KIAA1549L: variants seen among roughly 807,000 people sequenced by gnomAD.
The protein encoded by KIAA1549L is UPF0606 protein KIAA1549L.
A neutral mutation model predicts 160.7 loss-of-function variants in KIAA1549L; 88 were observed. The ratio of observed to expected loss-of-function variants is 0.55; its 90% CI spans 0.46 to 0.65. KIAA1549L has a LOEUF of 0.65. Ranked by LOEUF, KIAA1549L falls within the 30% of genes least tolerant of loss-of-function variation. The pLI, the probability that KIAA1549L is intolerant of heterozygous loss-of-function variation, is 0.00. For missense variants in KIAA1549L, 2,258 were observed against 2,437.5 expected, an observed-to-expected ratio of 0.93 and a Z score of 1.55; for synonymous variants, 950 against 976.7, an observed-to-expected ratio of 0.97 and a Z score of 0.51.
At chr11:33,537,958 AG>A (rs1364850512) in intron 1 of KIAA1549L, among the ~76,000 whole-genome samples, 1 of 152,244 alleles carries the variant, frequency 6.6e-6, no homozygotes, top group Non-Finnish European at 1.5e-5. Flanking sequence ...TATGTGTATT[AG>A]TCCATTTTCA....
intron 1 of KIAA1549L, among the ~76,000 whole-genome samples, chr11:33,426,418 T>C (rs761431680): frequency 1.3e-5 from 2 of 151,948 alleles, no homozygotes; most frequent in Non-Finnish European, 2.9e-5. Context: ...GCTAAAGGAG[T>C]CAAACTGTAT....
At chr11:33,520,717 AC>A (rs1853467818) in intron 1 of KIAA1549L, among the ~76,000 whole-genome samples, 1 of 147,438 alleles carries the variant, frequency 6.8e-6, no homozygotes, top group South Asian at 2.2e-4. Context: ...ACACACACAC[AC>A]ACACACACAC....
chr11:33,464,318 G>A (rs1851999462), intron 1 of KIAA1549L, among the ~76,000 whole-genome samples: 1 of 152,102 alleles, frequency 6.6e-6, no homozygotes, highest in South Asian at 2.1e-4. Context: ...GCAAACCCTT[G>A]TCCCTTGGTT....
chr11:33,459,276 C>A lies in KIAA1549L; in HGVS notation c.238+82387C>A, dbSNP rs139840547. Among the ~76,000 whole-genome samples the A allele has an allele frequency of 5.9e-5, 9 of 152,306 alleles. 1 individual carries two copies. The highest frequency in any genetic ancestry group is 2.1e-4 in the South Asian group (1 of 4,822). Reference sequence around the variant, plus strand: ...TATTTTGATCTGTACTCTGAGATCACCCTTCAGAGGTCTGCTTCCTCCATC... The same window carrying A: ...TATTTTGATCTGTACTCTGAGATCAACCTTCAGAGGTCTGCTTCCTCCATC... On this transcript the variant is annotated intron_variant, in intron 1 of 20. Coordinates refer to ENST00000658780, the MANE Select transcript of KIAA1549L (RefSeq NM_012194.3).
At chr11:33,485,227 C>T (rs923218800) in intron 1 of KIAA1549L, among the ~76,000 whole-genome samples, 5 of 152,168 alleles carry the variant, frequency 3.3e-5, no homozygotes, top group African/African-American at 1.2e-4. Context: ...GTCAACTTGC[C>T]CCTTTCGAGT....
intron 16 of KIAA1549L, among the ~76,000 whole-genome samples, chr11:33,634,468 CT>C (rs1851386790): frequency 6.6e-6 from 1 of 152,180 alleles, no homozygotes; most frequent in South Asian, 2.1e-4. Flanking sequence ...CAGAGATGAC[CT>C]TTAAGGTAAT....
intron 1 of KIAA1549L, among the ~76,000 whole-genome samples, chr11:33,513,769 G>A (rs1012843110): frequency 1.4e-4 from 21 of 152,196 alleles, no homozygotes; most frequent in Non-Finnish European, 1.0e-4. Flanking sequence ...TTGGCCACAG[G>A]GGGTGGTAGC....
chr11:33,639,109 C>T (rs1851518869), intron 16 of KIAA1549L, among the ~76,000 whole-genome samples: 1 of 152,124 alleles, frequency 6.6e-6, no homozygotes, highest in African/African-American at 2.4e-5. Flanking sequence ...CTTAAAGCTA[C>T]AGAATGTGCC....
At chr11:33,530,436 AATATATATATATATATATAT>A (rs869093534) in intron 1 of KIAA1549L, among the ~76,000 whole-genome samples, 5 of 11,890 alleles carry the variant, frequency 4.2e-4, no homozygotes, top group Non-Finnish European at 4.2e-4. Flanking sequence ...AAAAAAAAAA[AATATATATATATATATATAT>A]ATATATATAT....
intron 20 of KIAA1549L, among the ~76,000 whole-genome samples, chr11:33,666,463 C>T (rs1476169576): frequency 2.0e-5 from 3 of 152,228 alleles, no homozygotes; most frequent in Non-Finnish European, 4.4e-5. Context: ...CCAAACTCAT[C>T]TAAGCTGCCG....
chr11:33,616,122 A>C (rs953077400), intron 15 of KIAA1549L, among the ~76,000 whole-genome samples: 4 of 152,178 alleles, frequency 2.6e-5, no homozygotes, highest in Non-Finnish European at 5.9e-5. Flanking sequence ...TAAAAGGGGA[A>C]TATATTATTG....
intron 13 of KIAA1549L, among the ~76,000 whole-genome samples, chr11:33,605,395 C>T (rs1850475563): frequency 6.6e-6 from 1 of 152,092 alleles, no homozygotes; most frequent in African/African-American, 2.4e-5. Context: ...AGCTGCCCAG[C>T]AAAACTACAT....
At chr11:33,556,754 G>A (rs1477557936) in intron 6 of KIAA1549L, among the ~76,000 whole-genome samples, 1 of 152,164 alleles carries the variant, frequency 6.6e-6, no homozygotes, top group East Asian at 1.9e-4. Context: ...TGGGTACAGA[G>A]TTTCTGTTTG....
chr11:33,440,471 T>TAA (rs1851479359), intron 1 of KIAA1549L, among the ~76,000 whole-genome samples: 1 of 152,226 alleles, frequency 6.6e-6, no homozygotes. Flanking sequence ...GTTTCTATTC[T>TAA]TTTAGTAGTT....
intron 16 of KIAA1549L, among the ~76,000 whole-genome samples, chr11:33,633,139 C>CTTTTTTTTTTTTTTTTTTTTTTT (rs56310347): frequency 2.0e-5 from 1 of 50,730 alleles, no homozygotes; most frequent in African/African-American, 8.5e-5. Context: ...CCATGCCCAG[C>CTTTTTTTTTTTTTTTTTTTTTTT]TTTTTTTTTT....
At chr11:33,665,019 G>T (rs967965070) in intron 20 of KIAA1549L, among the ~76,000 whole-genome samples, 12 of 152,136 alleles carry the variant, frequency 7.9e-5, no homozygotes, top group African/African-American at 2.4e-4. Flanking sequence ...TCTTGCCTGA[G>T]CTCCTCCCAC....
rs768006468 is a variant in KIAA1549L, at chr11:33,541,789, T to C, written c.239-13T>C. 56 of 249,030 alleles carry C rather than the reference T, an allele frequency of 2.2e-4. No individual in the cohort carries two copies. Among genetic ancestry groups the C allele is most frequent in the Non-Finnish European group, 3.9e-4 (47 of 120,674 alleles). The allele number at this position is 249,030 out of a possible 1,614,324, so 15.4% of individuals were successfully genotyped here. On this transcript the variant is annotated splice_polypyrimidine_tract_variant and intron_variant, in intron 1 of 20. Coordinates refer to ENST00000658780, the MANE Select transcript of KIAA1549L (RefSeq NM_012194.3). The stretch of plus-strand genomic sequence containing the variant: ...GCATCCAACACCTGACGGCCTGATA[T>C]TTTGTTTCACAGGAACAGACAATCT...
At chr11:33,429,596 A>T (rs541049670) in intron 1 of KIAA1549L, among the ~76,000 whole-genome samples, 3 of 152,066 alleles carry the variant, frequency 2.0e-5, no homozygotes, top group Admixed American at 6.5e-5. Context: ...CCATGATTTC[A>T]TGGTTCTTCT....
chr11:33,493,697 G>A (rs1328000828), intron 1 of KIAA1549L, among the ~76,000 whole-genome samples: 3 of 152,212 alleles, frequency 2.0e-5, no homozygotes, highest in African/African-American at 4.8e-5. Context: ...CTAAGAGCAC[G>A]TCATTCTCCT....
Sources: gnomAD v4.1 joint callset for allele counts (sites outside exome capture counted in the v4.1 genomes callset) on GRCh38, gnomAD v4.1.1 for gene constraint, MANE v1.5 for transcripts, NCBI Gene and HGNC (gene_info 2026-07-23, HGNC 2026-07-21) for gene names.